The following COL18A1 variants were observed in gnomAD, a reference collection of about 807,000 sequenced individuals.
COL18A1 encodes collagen alpha-1(XVIII) chain.
A neutral mutation model predicts 168.0 loss-of-function variants in COL18A1; 133 were observed. The observed-to-expected ratio is 0.79, with a 90% CI of 0.69 to 0.91. COL18A1 has a LOEUF of 0.91. Ranked by LOEUF, COL18A1 falls within the 40% of genes least tolerant of loss-of-function variation. The pLI, the probability that COL18A1 is intolerant of heterozygous loss-of-function variation, is 0.00. For synonymous variants in COL18A1, 949 were observed against 809.0 expected (o/e 1.17, Z -2.94); for missense variants, 2,126 against 1,925.4 (o/e 1.10, Z -1.95).
Position 45,473,941 on chromosome 21 carries a change from C to A in COL18A1, c.698C>A (p.Pro233His). The A allele has an allele frequency of 6.2e-7, 1 of 1,605,448 alleles. No individual in the cohort carries two copies. Residue 233 changes from proline (P) to histidine (H), a missense_variant, in exon 4 of 42, where the codon CCC becomes CAC. Coordinates refer to ENST00000651438, the MANE Select transcript of COL18A1 (RefSeq NM_001379500.1). The surrounding 1 kb of genome is among the most constrained non-coding windows in gnomAD (Gnocchi z 4.0). ...GTGCGCAGGGACCCCCAGGTGAGCCCCATGCACTGCCTGGACGAGGAAGGC... is the reference window on the plus strand; with the variant it reads ...GTGCGCAGGGACCCCCAGGTGAGCCACATGCACTGCCTGGACGAGGAAGGC... ...LKVRRDPQVS[P>H]MHCLDEEGDD...
rs1043347919 is a variant in COL18A1 at position 45,491,206 on chromosome 21, G to C, written c.2068-19G>C. On this transcript the variant is annotated intron_variant, in intron 21 of 41. Transcript: ENST00000651438. ...GAGCGGTTGAGATGAAATGCCGGAC[G>C]CGTGGCCTCCTCTTCCAGGGAGATC... 6.3e-7 allele frequency: 1 copy of C among 1,599,054 alleles called. No individual in the cohort carries two copies. The highest frequency in any genetic ancestry group is 8.6e-7 in the Non-Finnish European group (1 of 1,167,728).
intron 4 of COL18A1, among the ~76,000 whole-genome samples, chr21:45,474,475 GTC>G (rs578048251): frequency 8.7e-5 from 12 of 138,080 alleles, no homozygotes; most frequent in South Asian, 6.6e-4. Context: ...TGTGTGGTGT[GTC>G]TCTGTGTGTG....
chr21:45,489,348 G>A (rs2036219799), intron 18 of COL18A1, 138 bp from the exon 19 acceptor site: 1 of 753,720 alleles, frequency 1.3e-6, no homozygotes, highest in Admixed American at 2.0e-5. Flanking sequence ...AGTGTCCCTG[G>A]GACCCCTCGG....
In COL18A1 at chr21:45,486,940, C is replaced by T. The variant is rs1415267638; in HGVS notation, c.1781C>T (p.Pro594Leu). The T allele has an allele frequency of 1.3e-6, 2 of 1,503,988 alleles. No individual in the cohort carries two copies. The highest frequency in any genetic ancestry group is 8.9e-7 in the Non-Finnish European group (1 of 1,128,052). 93.2% of individuals were successfully genotyped at this position (1,503,988 alleles called of 1,614,324 possible). A position where few individuals can be genotyped will look rare whatever the true frequency, so the allele number is the denominator to read the frequency against. The change falls in exon 16 of 42, where the codon CCA becomes CTA. Residue 594 changes from proline (P) to leucine (L), a missense_variant. Pro to Leu is a moderately conservative substitution (Grantham distance 98). Coordinates refer to ENST00000651438, the MANE Select transcript of COL18A1 (RefSeq NM_001379500.1). ...LAGAPGPAGP[P>L]GPPGPPGPPG... ...GGAGCCCCCGGACCTGCTGGACCAC[C>T]AGGCCCCCCTGGGCCCCCTGGGCCC...
chr21:45,433,640 G>A (rs1219627170), intron 2 of COL18A1, among the ~76,000 whole-genome samples: 1 of 152,228 alleles, frequency 6.6e-6, no homozygotes, highest in Non-Finnish European at 1.5e-5. Context: ...GTCACCCCTG[G>A]GGGAGATGAG....
At chr21:45,411,474 G>A (rs2033286582) in intron 2 of COL18A1, among the ~76,000 whole-genome samples, 2 of 152,124 alleles carry the variant, frequency 1.3e-5, no homozygotes. Context: ...GAGAGGCCGT[G>A]CCTGCCCGAG....
intron 2 of COL18A1, among the ~76,000 whole-genome samples, chr21:45,444,306 G>A (rs991526623): frequency 2.6e-5 from 4 of 152,154 alleles, no homozygotes; most frequent in Admixed American, 6.5e-5. Context: ...ATGAAGGGCC[G>A]TGTGCCCGAG....
intron 2 of COL18A1, among the ~76,000 whole-genome samples, chr21:45,433,270 G>T (rs879777558): frequency 6.6e-6 from 1 of 152,154 alleles, no homozygotes; most frequent in African/African-American, 2.4e-5. Flanking sequence ...TTCCACTTAC[G>T]GCTCTTAAAA....
intron 2 of COL18A1, among the ~76,000 whole-genome samples, chr21:45,437,107 A>ACACACT (rs71334066): frequency 2.9e-5 from 3 of 103,824 alleles, no homozygotes; most frequent in African/African-American, 9.5e-5. Context: ...TCTCCTGCAC[A>ACACACT]CACACTCACA....
chr21:45,459,882 G>A (rs1041871161), intron 2 of COL18A1, among the ~76,000 whole-genome samples: 2 of 152,310 alleles, frequency 1.3e-5, no homozygotes, highest in African/African-American at 2.4e-5. Flanking sequence ...CACAAGGGCT[G>A]TGGGAGTGTC....
intron 2 of COL18A1, among the ~76,000 whole-genome samples, chr21:45,453,315 A>G (rs930294014): frequency 2.0e-5 from 3 of 152,088 alleles, no homozygotes; most frequent in Non-Finnish European, 2.9e-5. Flanking sequence ...GAGTATTCAC[A>G]TGTGACATAT....
chr21:45,509,651 C>T lies in COL18A1; in HGVS notation c.3495+50C>T, dbSNP rs80156137. The T allele has an allele frequency of 4.3e-3, 4,314 of 995,318 alleles. 130 individuals carry two copies. The African/African-American group carries it at 0.061, about 14-fold the overall frequency. The allele number at this position is 995,318 out of a possible 1,614,324, so 61.7% of individuals were successfully genotyped here. A position where few individuals can be genotyped will look rare whatever the true frequency, so the allele number is the denominator to read the frequency against. ...TGGCTCCATCTAGCCCCTCGGCTCTCGGCAGCAGAAGAGGGCCCAGCCCCT... is the reference window on the plus strand; with the variant it reads ...TGGCTCCATCTAGCCCCTCGGCTCTTGGCAGCAGAAGAGGGCCCAGCCCCT... On this transcript the variant is annotated intron_variant, in intron 39 of 41. Coordinates refer to ENST00000651438, the MANE Select transcript of COL18A1 (RefSeq NM_001379500.1).
intron 2 of COL18A1, among the ~76,000 whole-genome samples, chr21:45,454,263 C>T (rs183888037): frequency 2.6e-4 from 39 of 152,288 alleles, no homozygotes; most frequent in Admixed American, 2.2e-3. Flanking sequence ...CTGTGGACAG[C>T]AATCGACCGA....
At chr21:45,449,656 G>C (rs1306841615) in intron 2 of COL18A1, among the ~76,000 whole-genome samples, 1 of 152,178 alleles carries the variant, frequency 6.6e-6, no homozygotes, top group Non-Finnish European at 1.5e-5. Flanking sequence ...CACTCCCTCT[G>C]CTACCGTAGG....
At chr21:45,428,265 C>T (rs2033863675) in intron 2 of COL18A1, among the ~76,000 whole-genome samples, 2 of 152,154 alleles carry the variant, frequency 1.3e-5, no homozygotes, top group Admixed American at 1.3e-4. Context: ...AACCGGGAGA[C>T]TGGCTGAGCC....
intron 2 of COL18A1, chr21:45,421,357 C>T (rs2033617037): frequency 3.8e-6 from 2 of 524,844 alleles, no homozygotes; most frequent in African/African-American, 3.9e-5. Flanking sequence ...CCACAGGCCT[C>T]AGGAGAGCTG....
intron 2 of COL18A1, chr21:45,408,130 T>C (rs1272347119): frequency 6.6e-6 from 1 of 152,250 alleles, no homozygotes; most frequent in Admixed American, 6.5e-5. Context: ...GGGGAAGTCC[T>C]CTGTAGGAAA....
rs778256556 is a variant in COL18A1 at position 45,509,347 on chromosome 21, C to G, written c.3250-9C>G. 124 of 1,545,106 alleles carry G rather than the reference C, an allele frequency of 8.0e-5. 1 individual carries two copies. Among genetic ancestry groups the G allele is most frequent in the Non-Finnish European group, 9.3e-5 (107 of 1,147,144 alleles). Reference sequence around the variant, plus strand: ...CCCCGCCGACAGGCCCCACGTCTCCCACCTGCAGGACAATGAAGTGGCCGC... The same window carrying G: ...CCCCGCCGACAGGCCCCACGTCTCCGACCTGCAGGACAATGAAGTGGCCGC... On this transcript the variant is annotated splice_polypyrimidine_tract_variant and intron_variant, in intron 38 of 41. Transcript: ENST00000651438.
At chr21:45,489,794 G>T (rs2036235223) in intron 19 of COL18A1, among the ~76,000 whole-genome samples, 1 of 140,670 alleles carries the variant, frequency 7.1e-6, no homozygotes, top group Non-Finnish European at 1.6e-5. Flanking sequence ...GTCGGCCCCT[G>T]CCACCGGCCT....
Sources: allele counts gnomAD v4.1 joint callset (sites outside exome capture counted in the v4.1 genomes callset), GRCh38; gene constraint gnomAD v4.1.1; non-coding constraint Gnocchi (gnomAD v3.1); transcripts MANE v1.5; gene names NCBI Gene and HGNC (gene_info 2026-07-23, HGNC 2026-07-21).